Variants in C10orf90 observed in about 807,000 individuals in gnomAD.
C10orf90 encodes the protein chromosome 10 open reading frame 90, also known as (E2-independent) E3 ubiquitin-conjugating enzyme FATS.
Under a neutral mutation model 62.5 loss-of-function variants are expected in C10orf90, and 56 were observed. That is an observed-to-expected ratio of 0.90 (90% CI 0.72 to 1.12). C10orf90 has a LOEUF of 1.12. C10orf90 is among the 50% of genes most tolerant of loss of function. C10orf90 has a pLI of 0.00. For missense variants in C10orf90, 970 were observed against 880.4 expected, an observed-to-expected ratio of 1.10 and a Z score of -1.29; for synonymous variants, 386 against 340.4, an observed-to-expected ratio of 1.13 and a Z score of -1.47.
chr10:126,557,403 G>A (rs1008596478), intron 2 of C10orf90, among the ~76,000 whole-genome samples: 12 of 151,320 alleles, frequency 7.9e-5, no homozygotes, highest in African/African-American at 2.4e-4. Context: ...TGGCGTGAAC[G>A]TGGGAGGCAG....
At chr10:126,490,005 T>A (rs1395261962) in intron 4 of C10orf90, among the ~76,000 whole-genome samples, 19 of 84,852 alleles carry the variant, frequency 2.2e-4, no homozygotes, top group East Asian at 1.3e-3. Flanking sequence ...TATTATATAT[T>A]ATATATATTA....
intron 4 of C10orf90, among the ~76,000 whole-genome samples, chr10:126,465,249 G>A (rs1209394164): frequency 3.3e-5 from 5 of 152,134 alleles, no homozygotes; most frequent in Admixed American, 6.5e-5. Flanking sequence ...TGGGGCCAGA[G>A]TACTTGAGTT....
chr10:126,664,938 A>G lies in C10orf90; in HGVS notation c.240+5303T>C, dbSNP rs377249437. Among the ~76,000 whole-genome samples the G allele has an allele frequency of 3.9e-5, 6 of 152,330 alleles. No individual in the cohort carries two copies. The South Asian group carries it at 6.2e-4, about 16-fold the overall frequency. On this transcript the variant is annotated intron_variant, in intron 1 of 9. Transcript: ENST00000488181. ...GGCGACAGGGCAGCATTGAGACCCA[A>G]GTACAGCCATTTCATTTCCCTCTTG...
At position 126,617,483 on chromosome 10, in the gene C10orf90, T is replaced by C. The variant is rs1845564849; in HGVS notation, c.313+29082A>G. Among the ~76,000 whole-genome samples, 3 of 152,234 alleles carry C rather than the reference T, an allele frequency of 2.0e-5. No individual in the cohort carries two copies. In the South Asian group the frequency reaches 6.2e-4, roughly 31 times the overall value. On this transcript the variant is annotated intron_variant, in intron 2 of 9. Coordinates refer to ENST00000488181, the MANE Select transcript of C10orf90 (RefSeq NM_001350921.2). ...TCTTCCAAACCACTAGGTTGAGCCA[T>C]TATGGCTTGGGATCCTCAGCTTCTC... is the stretch of plus-strand genomic sequence containing the variant.
At chr10:126,632,261 A>T (rs1420471767) in intron 2 of C10orf90, among the ~76,000 whole-genome samples, 4 of 151,886 alleles carry the variant, frequency 2.6e-5, no homozygotes, top group Non-Finnish European at 4.4e-5. Context: ...GGGCTGCAGC[A>T]AGGAGGGTGA....
At chr10:126,562,654 G>A (rs1864929177) in intron 2 of C10orf90, among the ~76,000 whole-genome samples, 1 of 152,126 alleles carries the variant, frequency 6.6e-6, no homozygotes, top group Admixed American at 6.5e-5. Flanking sequence ...GGATTCTGAA[G>A]GCACAATCAG....
At chr10:126,463,275 CT>C (rs1426266482) in intron 5 of C10orf90, 6 of 152,482 alleles carry the variant, frequency 3.9e-5, no homozygotes, top group African/African-American at 1.4e-4. Context: ...TCCCTGGATC[CT>C]GAGCGTCTCT....
chr10:126,576,588 G>GAAA, intron 2 of C10orf90, among the ~76,000 whole-genome samples: 1 of 151,136 alleles, frequency 6.6e-6, no homozygotes, highest in African/African-American at 2.4e-5. Context: ...CAAAGGAAAG[G>GAAA]AAAACAGTAT....
At chr10:126,448,374 A>G (rs962219227) in intron 7 of C10orf90, among the ~76,000 whole-genome samples, 6 of 151,950 alleles carry the variant, frequency 3.9e-5, no homozygotes, top group Non-Finnish European at 7.4e-5. Context: ...GGAATGCAGC[A>G]AAAACAGTTC....
chr10:126,572,829 A>G (rs1023282212), intron 2 of C10orf90, among the ~76,000 whole-genome samples: 21 of 152,178 alleles, frequency 1.4e-4, no homozygotes, highest in African/African-American at 5.1e-4. Context: ...TACCAGCACC[A>G]TGACAGCTTA....
intron 1 of C10orf90, among the ~76,000 whole-genome samples, chr10:126,649,030 CTCTGTCTCTCTCTCT>C (rs1846229432): frequency 3.1e-5 from 1 of 31,750 alleles, no homozygotes; most frequent in Non-Finnish European, 7.2e-5. Context: ...CTCTCTCTGT[CTCTGTCTCTCTCTCT>C]CTCTCTCTCT....
At chr10:126,534,279 A>G (rs1864177964) in intron 2 of C10orf90, among the ~76,000 whole-genome samples, 1 of 152,136 alleles carries the variant, frequency 6.6e-6, no homozygotes, top group African/African-American at 2.4e-5. Flanking sequence ...TGTGCTTCCA[A>G]TGTGGGCCTC....
intron 4 of C10orf90, among the ~76,000 whole-genome samples, chr10:126,475,249 G>T (rs1369353809): frequency 2.0e-5 from 3 of 152,182 alleles, no homozygotes; most frequent in African/African-American, 7.2e-5. Flanking sequence ...ACTAAAACTT[G>T]CAGGCAGTCT....
chr10:126,442,635 A>T (rs28866584), intron 7 of C10orf90, among the ~76,000 whole-genome samples: 8 of 8,678 alleles, frequency 9.2e-4, no homozygotes, highest in African/African-American at 2.4e-3. Context: ...GTGTGTGTGT[A>T]TATATATATA....
chr10:126,659,538 C>T (rs17155120), intron 1 of C10orf90, among the ~76,000 whole-genome samples: 22,437 of 152,114 alleles, frequency 0.15, 1,780 homozygotes, highest in South Asian at 0.23. Context: ...CGTTATTATT[C>T]CTAAATTTGG....
At chr10:126,612,229 G>A (rs771604307) in intron 2 of C10orf90, among the ~76,000 whole-genome samples, 5 of 152,200 alleles carry the variant, frequency 3.3e-5, no homozygotes, top group Non-Finnish European at 7.3e-5. Context: ...GCTGAGGCAG[G>A]AGAATTGCTT....
intron 2 of C10orf90, among the ~76,000 whole-genome samples, chr10:126,579,071 T>TA (rs145344173): frequency 1.2e-3 from 164 of 142,560 alleles, no homozygotes; most frequent in East Asian, 2.1e-3. Flanking sequence ...AGTTTTTTTT[T>TA]AAAAAAAAAA....
intron 2 of C10orf90, among the ~76,000 whole-genome samples, chr10:126,527,884 G>A (rs1591071319): frequency 6.6e-6 from 1 of 152,192 alleles, no homozygotes; most frequent in Non-Finnish European, 1.5e-5. Flanking sequence ...CACGGCATGA[G>A]CAAAACAGCC....
intron 7 of C10orf90, among the ~76,000 whole-genome samples, chr10:126,435,982 C>T (rs1335422514): frequency 2.0e-5 from 3 of 152,140 alleles, no homozygotes; most frequent in Non-Finnish European, 4.4e-5. Context: ...TGGCTGGTTA[C>T]TCCTCAAGAG....
Sources: allele counts gnomAD v4.1 joint callset (sites outside exome capture counted in the v4.1 genomes callset), GRCh38; gene constraint gnomAD v4.1.1; transcripts MANE v1.5; gene names NCBI Gene and HGNC (gene_info 2026-07-23, HGNC 2026-07-21).